The following RALGAPA1 variants were observed in gnomAD, a reference collection of about 807,000 sequenced individuals.
RALGAPA1 encodes the protein ral GTPase-activating protein subunit alpha-1.
Under a neutral mutation model 269.6 loss-of-function variants are expected in RALGAPA1, and 52 were observed. The observed-to-expected ratio is 0.19, with a 90% CI of 0.15 to 0.24. RALGAPA1 has a LOEUF of 0.24. RALGAPA1 is among the 10% of genes least tolerant of loss of function. RALGAPA1 has a pLI of 1.00. For synonymous variants in RALGAPA1, 817 were observed against 1,008.3 expected (o/e 0.81, Z 3.60); for missense variants, 1,917 against 3,013.9 (o/e 0.64, Z 8.52).
intron 27 of RALGAPA1, 101 bp downstream of exon 27, chr14:35,664,541 G>T: frequency 1.1e-6 from 1 of 927,012 alleles, no homozygotes; most frequent in Non-Finnish European, 1.6e-6. Flanking sequence ...TTTAACAATT[G>T]TGTGGATTTC....
At chr14:35,684,404 T>C (rs2065741170) in intron 20 of RALGAPA1, among the ~76,000 whole-genome samples, 2 of 152,220 alleles carry the variant, frequency 1.3e-5, no homozygotes, top group South Asian at 2.1e-4. Flanking sequence ...TACTGTAGCA[T>C]TGAACATAAT....
At chr14:35,726,141 G>A (rs772819021) in intron 13 of RALGAPA1, among the ~76,000 whole-genome samples, 1 of 152,176 alleles carries the variant, frequency 6.6e-6, no homozygotes, top group Non-Finnish European at 1.5e-5. Flanking sequence ...CAGTCACTGT[G>A]AGAAATGTGG....
intron 5 of RALGAPA1, 114 bp downstream of exon 5, chr14:35,762,596 C>T (rs939845112): frequency 2.7e-6 from 2 of 753,904 alleles, no homozygotes; most frequent in African/African-American, 1.8e-5. Flanking sequence ...ATTAAATAAA[C>T]TGAAGACAAT....
At position 35,627,661 on chromosome 14, in the gene RALGAPA1, A is replaced by G. The variant is rs1183351564; in HGVS notation, c.6286T>C (p.Ser2096Pro). The change falls in exon 34 of 42, where the codon TCA becomes CCA. Residue 2096 changes from serine (S) to proline (P), a missense_variant. Ser to Pro is a moderately conservative substitution (Grantham distance 74). This residue lies in a region of RALGAPA1 where 346 missense variants were observed against 566.1 expected (regional missense o/e 0.61). Transcript: ENST00000680220. The part of the protein sequence containing the change: ...PGGGLSAGLA[S>P]ANSNVRIIVR... ...ATGATTCTGACATTTGAATTGGCTG[A>G]TGCAAGGCCAGCAGATAAACCTCCT... 6.3e-7 allele frequency: 1 copy of G among 1,579,824 alleles called. No homozygotes were observed. The highest frequency in any genetic ancestry group is 2.2e-5 in the East Asian group (1 of 44,740).
chr14:35,784,391 T>C (rs2075662187), intron 1 of RALGAPA1, among the ~76,000 whole-genome samples: 1 of 152,204 alleles, frequency 6.6e-6, no homozygotes, highest in African/African-American at 2.4e-5. Context: ...TTTATTATTC[T>C]ATTTATATGA....
chr14:35,732,690 C>G lies in RALGAPA1; in HGVS notation c.1588-4180G>C, dbSNP rs963858327. ...TATAATGGTAAAAGGCCTTGTCCAA[C>G]AGGAAAATATCATAATCCTAAACAT... On this transcript the variant is annotated intron_variant, in intron 12 of 41. Transcript: ENST00000680220. 4.6e-5 allele frequency among the ~76,000 whole-genome samples: 7 copies of G among 152,306 alleles called. 1 individual carries two copies. The highest frequency in any genetic ancestry group is 3.4e-3 in the Middle Eastern group (1 of 294).
chr14:35,601,702 G>A (rs927081797), intron 36 of RALGAPA1, among the ~76,000 whole-genome samples: 5 of 152,030 alleles, frequency 3.3e-5, no homozygotes, highest in Non-Finnish European at 7.4e-5. Flanking sequence ...TCATTCTTCC[G>A]TCCTAAAGTC....
chr14:35,674,815 TAAAAG>T (rs1187329005), intron 22 of RALGAPA1, 106 bp from the exon 23 acceptor site: 1 of 568,532 alleles, frequency 1.8e-6, no homozygotes, highest in Non-Finnish European at 3.1e-6. Context: ...CAGAAATGAA[TAAAAG>T]AAATGTCAAC....
At chr14:35,701,679 T>C (rs550084806) in intron 16 of RALGAPA1, among the ~76,000 whole-genome samples, 1 of 152,272 alleles carries the variant, frequency 6.6e-6, no homozygotes, top group East Asian at 1.9e-4. Flanking sequence ...TCTTACTCTG[T>C]TGTCCAGGCG....
intron 1 of RALGAPA1, among the ~76,000 whole-genome samples, chr14:35,800,742 C>G (rs973786329): frequency 6.6e-6 from 1 of 152,172 alleles, no homozygotes; most frequent in Non-Finnish European, 1.5e-5. Context: ...TGGTAGCTCA[C>G]ACCTGTAATC....
intron 16 of RALGAPA1, among the ~76,000 whole-genome samples, chr14:35,703,056 ACTC>A (rs2067502377): frequency 6.6e-6 from 1 of 152,048 alleles, no homozygotes; most frequent in Admixed American, 6.5e-5. Context: ...GGAAATAACA[ACTC>A]CTTTTTTTCT....
At position 35,689,941 on chromosome 14, in the gene RALGAPA1, C is replaced by A; in HGVS notation, c.2470G>T (p.Glu824Ter). ...GCACCAAAAACTTCATTTCCAGTTT[C>A]TTCACTTTGTGAAAAATGTCTGACT... ...TRVRHFSQSE[E>*]TGNEVFGALN... The change falls in exon 18 of 42, where the codon GAA becomes TAA. Residue 824 changes from glutamate (E) to a stop codon, truncating the protein, a stop_gained. Coordinates refer to ENST00000680220, the MANE Select transcript of RALGAPA1 (RefSeq NM_001346249.2). LOFTEE classifies it high-confidence loss of function. The A allele has an allele frequency of 6.2e-7, 1 of 1,601,886 alleles. No homozygotes were observed. The highest frequency in any genetic ancestry group is 8.5e-7 in the Non-Finnish European group (1 of 1,176,042).
chr14:35,673,475 C>T (rs534435315), intron 24 of RALGAPA1, among the ~76,000 whole-genome samples: 2 of 152,166 alleles, frequency 1.3e-5, no homozygotes, highest in East Asian at 3.8e-4. Flanking sequence ...GGGAGGATTG[C>T]TTGAGCCCAG....
In RALGAPA1 at chr14:35,671,568, T is replaced by A. The variant is rs2064442905; in HGVS notation, c.5074-51A>T. 3.0e-6 allele frequency: 3 copies of A among 984,026 alleles called. No homozygotes were observed. The African/African-American group carries it at 4.8e-5, about 16-fold the overall frequency. 61.0% of individuals were successfully genotyped at this position (984,026 alleles called of 1,614,324 possible). On this transcript the variant is annotated intron_variant, in intron 25 of 41. Coordinates refer to ENST00000680220, the MANE Select transcript of RALGAPA1 (RefSeq NM_001346249.2). ...AGAATATCACATATGTAATCTTGAG[T>A]ATCAGCTAATCAGTATCATTAAAAA...
chr14:35,641,741 C>G (rs1028673063), intron 31 of RALGAPA1, among the ~76,000 whole-genome samples: 2 of 152,052 alleles, frequency 1.3e-5, no homozygotes, highest in African/African-American at 4.8e-5. Flanking sequence ...AGAAACAGAA[C>G]AAACAATCCT....
chr14:35,552,611 G>A (rs926046699), intron 39 of RALGAPA1, among the ~76,000 whole-genome samples: 1 of 151,686 alleles, frequency 6.6e-6, no homozygotes, highest in Admixed American at 6.6e-5. Flanking sequence ...GAAGTAAGCA[G>A]ATTTTGGTTG....
At chr14:35,660,813 T>C (rs2063492845) in intron 27 of RALGAPA1, among the ~76,000 whole-genome samples, 1 of 152,098 alleles carries the variant, frequency 6.6e-6, no homozygotes, top group African/African-American at 2.4e-5. Context: ...TTGTCATTTG[T>C]GACAATATGA....
intron 1 of RALGAPA1, among the ~76,000 whole-genome samples, chr14:35,793,271 CTT>C (rs934635932): frequency 1.1e-4 from 17 of 148,726 alleles, no homozygotes; most frequent in African/African-American, 3.2e-4. Flanking sequence ...GAATTTCACT[CTT>C]GTTGTCCAGG....
intron 31 of RALGAPA1, among the ~76,000 whole-genome samples, chr14:35,647,402 C>A (rs1217589216): frequency 3.9e-5 from 6 of 152,148 alleles, no homozygotes; most frequent in African/African-American, 1.4e-4. Context: ...GAGCAGCAAT[C>A]TGAATATCAT....
Sources: allele counts gnomAD v4.1 joint callset (sites outside exome capture counted in the v4.1 genomes callset), GRCh38; gene constraint gnomAD v4.1.1; regional missense constraint gnomAD v4.1.1; transcripts MANE v1.5; gene names NCBI Gene and HGNC (gene_info 2026-07-23, HGNC 2026-07-21).